Variants in VTN observed in about 807,000 individuals in gnomAD.
VTN encodes vitronectin.
Under a neutral mutation model 55.9 loss-of-function variants are expected in VTN, and 45 were observed. The observed-to-expected ratio is 0.80, with a 90% CI of 0.63 to 1.03. The LOEUF (loss-of-function observed/expected upper bound fraction) is 1.03, where lower values mean the gene tolerates loss of function less well. VTN is among the 50% of genes least tolerant of loss of function. The pLI, the probability that VTN is intolerant of heterozygous loss-of-function variation, is 0.00. For synonymous variants in VTN, 238 were observed against 242.3 expected (o/e 0.98, Z 0.17); for missense variants, 589 against 638.2 (o/e 0.92, Z 0.83).
At chr17:28,367,665 G>A (rs1555583200) in intron 7 of VTN, 50 bp downstream of exon 7, 1 of 1,572,502 alleles carries the variant, frequency 6.4e-7, no homozygotes, top group Non-Finnish European at 8.7e-7. Context: ...ACCAGGGACA[G>A]CAAGGAAAAC....
At position 28,370,176 on chromosome 17, in the gene VTN, G is replaced by C; in HGVS notation, c.28C>G (p.Leu10Val). The C allele has an allele frequency of 1.9e-6, 3 of 1,613,762 alleles. No homozygotes were observed. The highest frequency in any genetic ancestry group is 1.7e-4 in the Middle Eastern group (1 of 6,060). Reference sequence around the variant, plus strand: ...AGAGCAACCCATGCCAGCAGGGCCAGTATGAGAAGGGGTCTCAGGGGTGCC... The same window carrying C: ...AGAGCAACCCATGCCAGCAGGGCCACTATGAGAAGGGGTCTCAGGGGTGCC... MAPLRPLLI[L>V]ALLAWVALAD... Residue 10 changes from leucine to valine, a missense_variant, in exon 1 of 8, where the codon CTG becomes GTG. By Grantham distance (32) the Leu-to-Val change is conservative. Coordinates refer to ENST00000226218, the MANE Select transcript of VTN (RefSeq NM_000638.4).
rs2067932621 is a variant in VTN at position 28,369,214 on chromosome 17, C to T, written c.669+75G>A. 1 of 1,519,996 alleles carries T rather than the reference C, an allele frequency of 6.6e-7. No individual in the cohort carries two copies. The highest frequency in any genetic ancestry group is 1.4e-5 in the African/African-American group (1 of 71,968). 94.2% of individuals were successfully genotyped at this position (1,519,996 alleles called of 1,614,324 possible). A position where few individuals can be genotyped will look rare whatever the true frequency, so the allele number is the denominator to read the frequency against. ...AGGGCCCTGGGTCCAGCTTCCCTGTCCACCCTGTCCCTGGGAGCAATAGCT... is the reference window on the plus strand; with the variant it reads ...AGGGCCCTGGGTCCAGCTTCCCTGTTCACCCTGTCCCTGGGAGCAATAGCT... On this transcript the variant is annotated intron_variant, in intron 4 of 7. Coordinates refer to ENST00000226218, the MANE Select transcript of VTN (RefSeq NM_000638.4). This position sits in a 1 kb window ranked among gnomAD's most constrained non-coding sequence, Gnocchi z 5.3.
chr17:28,369,198 G>C lies in VTN; in HGVS notation c.669+91C>G. The C allele has an allele frequency of 6.6e-7, 1 of 1,514,530 alleles. No individual in the cohort carries two copies. Among genetic ancestry groups the C allele is most frequent in the Non-Finnish European group, 8.8e-7 (1 of 1,131,650 alleles). 93.8% of individuals were successfully genotyped at this position (1,514,530 alleles called of 1,614,324 possible). A position where few individuals can be genotyped will look rare whatever the true frequency, so the allele number is the denominator to read the frequency against. ...TCCCACCAGGTCCTGCAGGGCCCTG[G>C]GTCCAGCTTCCCTGTCCACCCTGTC... On this transcript the variant is annotated intron_variant, in intron 4 of 7. Coordinates refer to ENST00000226218, the MANE Select transcript of VTN (RefSeq NM_000638.4). The surrounding 1 kb of genome is among the most constrained non-coding windows in gnomAD (Gnocchi z 5.3).
rs781798269 is a variant in VTN at position 28,369,455 on chromosome 17, C to A, written c.530-27G>T. On this transcript the variant is annotated intron_variant, in intron 3 of 7. Transcript: ENST00000226218. The surrounding 1 kb of genome is among the most constrained non-coding windows in gnomAD (Gnocchi z 5.3). The stretch of plus-strand genomic sequence containing the variant: ...TAGAGTGGAGGAGATGGTGTGAGAG[C>A]AGGGACGCTCCTGGGGCAGACCCGC... The A allele has an allele frequency of 2.5e-6, 4 of 1,587,480 alleles. No homozygotes were observed. In the African/African-American group the frequency reaches 5.4e-5, roughly 21 times the overall value.
rs369856308 is a variant in VTN at position 28,367,985 on chromosome 17, C to T, written c.1054G>A (p.Gly352Ser). 1.0e-5 allele frequency: 16 copies of T among 1,594,890 alleles called. No homozygotes were observed. In the African/African-American group the frequency reaches 1.5e-4, roughly 15 times the overall value. The change falls in exon 7 of 8, where the codon GGC becomes AGC. Residue 352 changes from glycine (G) to serine (S), a missense_variant. Physicochemically the swap from Gly to Ser is moderately conservative, Grantham distance 56 (BLOSUM62 0). Around this residue, in one of 3 missense-constraint regions of VTN, gnomAD observed 334 missense variants for 328.2 expected, o/e 1.02. Transcript: ENST00000226218. ...GCCATGCCTGAGATGTAGATGCGGC[C>T]AGCCATGGCTGCGTCCACTTGCCCT... ...VPGQVDAAMA[G>S]RIYISGMAPR...
At position 28,367,929 on chromosome 17, in the gene VTN, CCTT is replaced by C. The variant is rs1567801254; in HGVS notation, c.1107_1109del (p.Arg370del). 1 of 1,609,572 alleles carries C rather than the reference CCTT, an allele frequency of 6.2e-7. No individual in the cohort carries two copies. The highest frequency in any genetic ancestry group is 1.1e-5 in the South Asian group (1 of 90,492). ...AGCCTTTGCGGTTGCGATGCCTAAACCTTTGTTTCTTGGCCAAGGAGGGGCGGG... is the reference window on the plus strand; with the variant it reads ...AGCCTTTGCGGTTGCGATGCCTAAACTGTTTCTTGGCCAAGGAGGGGCGGG... On this transcript the variant is annotated inframe_deletion, in exon 7 of 8. Coordinates refer to ENST00000226218, the MANE Select transcript of VTN (RefSeq NM_000638.4).
In VTN at chr17:28,369,015, C is replaced by T. The variant is rs1555583497; in HGVS notation, c.683G>A (p.Trp228Ter). The T allele has an allele frequency of 4.4e-6, 7 of 1,592,932 alleles. No individual in the cohort carries two copies. Among genetic ancestry groups the T allele is most frequent in the Non-Finnish European group, 4.3e-6 (5 of 1,174,316 alleles). The change falls in exon 5 of 8, where the codon TGG becomes TAG. Residue 228 changes from tryptophan (W) to a stop codon, truncating the protein, a stop_gained. Transcript: ENST00000226218. LOFTEE classifies it high-confidence loss of function. This position sits in a 1 kb window ranked among gnomAD's most constrained non-coding sequence, Gnocchi z 5.3. ...GTCCAGGACACCATCCTCAAAGCGC[C>T]AGTACTGACTACCCTAAGAGGTGGG... is the stretch of plus-strand genomic sequence containing the variant. Reference protein sequence around the residue: ...KTYLFKGSQYWRFEDGVLDPD... With the variant: ...KTYLFKGSQY
At position 28,367,391 on chromosome 17, in the gene VTN, C is replaced by A; in HGVS notation, c.1415G>T (p.Cys472Phe). 1 of 1,596,894 alleles carries A rather than the reference C, an allele frequency of 6.3e-7. No individual in the cohort carries two copies. Among genetic ancestry groups the A allele is most frequent in the Non-Finnish European group, 8.5e-7 (1 of 1,173,856 alleles). The change falls in exon 8 of 8, where the codon TGC becomes TTC. Residue 472 changes from cysteine to phenylalanine, a missense_variant. Transcript: ENST00000226218. ...PRSIAQYWLG[C>F]PAPGHL ...CTCCTACAGATGGCCAGGAGCTGGG[C>A]AGCCCAGCCAGTACTGAGCGATGGA...
At chr17:28,367,594 T>G in intron 7 of VTN, 113 bp from the exon 8 acceptor site, 1 of 1,395,840 alleles carries the variant, frequency 7.2e-7, no homozygotes, top group South Asian at 1.2e-5. Context: ...ATGATGCAGC[T>G]AAGGACTTCT....
Position 28,370,047 on chromosome 17 carries a change from C to CT in VTN, c.65-2dup. On this transcript the variant is annotated splice_acceptor_variant, in intron 1 of 7. Coordinates refer to ENST00000226218, the MANE Select transcript of VTN (RefSeq NM_000638.4). LOFTEE classifies it high-confidence loss of function. ...TCAGTGCAGCGGCCCTTGCATGACTCTATGAGGAAGGAGTGTCAGTCGGTG... is the reference window on the plus strand; with the variant it reads ...TCAGTGCAGCGGCCCTTGCATGACTCTTATGAGGAAGGAGTGTCAGTCGGTG... The CT allele has an allele frequency of 6.2e-7, 1 of 1,614,140 alleles. No individual in the cohort carries two copies. Among genetic ancestry groups the CT allele is most frequent in the Non-Finnish European group, 8.5e-7 (1 of 1,180,018 alleles).
Position 28,369,872 on chromosome 17 carries a change from T to G in VTN, c.185-21A>C. The G allele has an allele frequency of 6.2e-7, 1 of 1,612,048 alleles. No individual in the cohort carries two copies. Among genetic ancestry groups the G allele is most frequent in the Non-Finnish European group, 8.5e-7 (1 of 1,178,442 alleles). ...AGTCACTGCAGAGAGTGGATGGTAGTGAGTCTCCAGCAGCAGGGGGCACCC... is the reference window on the plus strand; with the variant it reads ...AGTCACTGCAGAGAGTGGATGGTAGGGAGTCTCCAGCAGCAGGGGGCACCC... On this transcript the variant is annotated intron_variant, in intron 2 of 7. Transcript: ENST00000226218. This position sits in a 1 kb window ranked among gnomAD's most constrained non-coding sequence, Gnocchi z 5.3.
Position 28,368,532 on chromosome 17 carries a change from C to T in VTN, c.968G>A (p.Gly323Asp), listed in dbSNP as rs782484906. 3.1e-6 allele frequency: 5 copies of T among 1,613,914 alleles called. No homozygotes were observed. Among genetic ancestry groups the T allele is most frequent in the Admixed American group, 3.3e-5 (2 of 60,024 alleles). ...CCCTCTCTCCATACCAGAGGTTCTG[C>T]CCCAGAAGAGAAGCTCGAAGATGTC... is the stretch of plus-strand genomic sequence containing the variant. ...WEDIFELLFW[G>D]RTSAGTRQPQ... is the part of the protein sequence containing the mutation. Residue 323 changes from glycine to aspartate, a missense_variant, in exon 6 of 8, where the codon GGC becomes GAC. Physicochemically the swap from Gly to Asp is moderately conservative, Grantham distance 94. This residue lies in a region of VTN where 334 missense variants were observed against 328.2 expected (regional missense o/e 1.02). Coordinates refer to ENST00000226218, the MANE Select transcript of VTN (RefSeq NM_000638.4).
In VTN at chr17:28,369,883, C is replaced by T. The variant is rs1450889075; in HGVS notation, c.185-32G>A. On this transcript the variant is annotated intron_variant, in intron 2 of 7. Transcript: ENST00000226218. This position sits in a 1 kb window ranked among gnomAD's most constrained non-coding sequence, Gnocchi z 5.3. Reference sequence around the variant, plus strand: ...AGAGTGGATGGTAGTGAGTCTCCAGCAGCAGGGGGCACCCCAGCCCACCCA... The same window carrying T: ...AGAGTGGATGGTAGTGAGTCTCCAGTAGCAGGGGGCACCCCAGCCCACCCA... 6.2e-7 allele frequency: 1 copy of T among 1,612,034 alleles called. No homozygotes were observed. Among genetic ancestry groups the T allele is most frequent in the Non-Finnish European group, 8.5e-7 (1 of 1,178,554 alleles).
rs1555583186 is a variant in VTN at position 28,367,495 on chromosome 17, A to G, written c.1325-14T>C. 6.2e-7 allele frequency: 1 copy of G among 1,610,550 alleles called. No homozygotes were observed. The highest frequency in any genetic ancestry group is 2.2e-5 in the East Asian group (1 of 44,850). ...GGTAGTACTTGTCTGGAAGAGAGGA[A>G]AGCAGAGGATGCGTGAGGCCCAGCC... is the stretch of plus-strand genomic sequence containing the variant. On this transcript the variant is annotated splice_polypyrimidine_tract_variant and intron_variant, in intron 7 of 7. Transcript: ENST00000226218.
Position 28,368,609 on chromosome 17 carries a change from G to A in VTN, c.891C>T (p.Ser297=), listed in dbSNP as rs34134929. 1,072 of 1,613,990 alleles carry A rather than the reference G, an allele frequency of 6.6e-4. 7 individuals are homozygous for A. The African/African-American group carries it at 0.013, about 19-fold the overall frequency. Residue 297 remains serine, a synonymous_variant, in exon 6 of 8, where the codon TCC becomes TCT. Coordinates refer to ENST00000226218, the MANE Select transcript of VTN (RefSeq NM_000638.4). ...CAAAGTGTTCAAACACAGCCGACAGGGAGCTGCCTTCACACTCCTCCTGAC... is the reference window on the plus strand; with the variant it reads ...CAAAGTGTTCAAACACAGCCGACAGAGAGCTGCCTTCACACTCCTCCTGAC... ...QPSQEECEGS[S]LSAVFEHFAM...
At chr17:28,367,632 C>T in intron 7 of VTN, 83 bp downstream of exon 7, 1 of 1,478,596 alleles carries the variant, frequency 6.8e-7, no homozygotes. Context: ...TCACTACTTG[C>T]AGGCTGCGTT....
Position 28,369,956 on chromosome 17 carries a change from G to A in VTN, c.155C>T (p.Thr52Ile), listed in dbSNP as rs782280356. 141 of 1,613,984 alleles carry A rather than the reference G, an allele frequency of 8.7e-5. No homozygotes were observed. The highest frequency in any genetic ancestry group is 1.1e-4 in the Non-Finnish European group (133 of 1,180,034). ...GGGCTTGCACTCAGCCGTATAGTCT[G>A]TGCAGCAGCTCTGGTAGTAAGAGCA... ...ELCSYYQSCC[T>I]DYTAECKPQV... is the part of the protein sequence containing the mutation. The change falls in exon 2 of 8, where the codon ACA becomes ATA. Residue 52 changes from threonine (T) to isoleucine (I), a missense_variant. Thr to Ile is a moderately conservative substitution (Grantham distance 89). Coordinates refer to ENST00000226218, the MANE Select transcript of VTN (RefSeq NM_000638.4). This position sits in a 1 kb window ranked among gnomAD's most constrained non-coding sequence, Gnocchi z 5.3.
At position 28,368,027 on chromosome 17, in the gene VTN, C is replaced by G; in HGVS notation, c.1012G>C (p.Asp338His). ...GTRQPQFISRDWHGVPGQVDA... is the reference protein window; with the variant it reads ...GTRQPQFISRHWHGVPGQVDA... ...ACTTGCCCTGGCACACCGTGCCAGT[C>G]CCGGCTAATGAACTGGGGCTGTCTG... Residue 338 changes from aspartate to histidine, a missense_variant, in exon 7 of 8, where the codon GAC becomes CAC. Asp to His is a moderately conservative substitution (Grantham distance 81, BLOSUM62 -1). Transcript: ENST00000226218. 4 of 1,588,252 alleles carry G rather than the reference C, an allele frequency of 2.5e-6. No individual in the cohort carries two copies. The highest frequency in any genetic ancestry group is 3.4e-6 in the Non-Finnish European group (4 of 1,166,994).
In VTN at chr17:28,369,987, C is replaced by T. The variant is rs781970071; in HGVS notation, c.124G>A (p.Glu42Lys). ...FNVDKKCQCD[E>K]LCSYYQSCCT... ...CAGCTCTGGTAGTAAGAGCAGAGCT[C>T]GTCACACTGGCACTTCTTGTCCACG... The change falls in exon 2 of 8, where the codon GAG (glutamate) becomes AAG (lysine). Residue 42 changes from glutamate to lysine, a missense_variant. By Grantham distance (56) the Glu-to-Lys change is moderately conservative (BLOSUM62 1). Coordinates refer to ENST00000226218, the MANE Select transcript of VTN (RefSeq NM_000638.4). The surrounding 1 kb of genome is among the most constrained non-coding windows in gnomAD (Gnocchi z 5.3). The T allele has an allele frequency of 3.7e-6, 6 of 1,614,060 alleles. No homozygotes were observed. Among genetic ancestry groups the T allele is most frequent in the East Asian group, 2.2e-5 (1 of 44,870 alleles).
Sources: allele counts gnomAD v4.1 joint callset, GRCh38; gene constraint gnomAD v4.1.1; regional missense constraint gnomAD v4.1.1; non-coding constraint Gnocchi (gnomAD v3.1); transcripts MANE v1.5; gene names NCBI Gene and HGNC (gene_info 2026-07-23, HGNC 2026-07-21).